Variants in EXOC4 observed in about 807,000 individuals in gnomAD.
EXOC4 encodes SEC8-like 1.
A neutral mutation model predicts 107.2 loss-of-function variants in EXOC4; 71 were observed. That is an observed-to-expected ratio of 0.66 (90% CI 0.55 to 0.81). EXOC4 has a LOEUF of 0.81. EXOC4 is among the 30% of genes least tolerant of loss of function. The pLI is 0.00. For missense variants in EXOC4, 1,108 were observed against 1,189.6 expected (o/e 0.93, Z 1.01); for synonymous variants, 456 against 441.2 (o/e 1.03, Z -0.42).
At chr7:133,971,700 G>A (rs1207994466) in intron 14 of EXOC4, among the ~76,000 whole-genome samples, 1 of 152,066 alleles carries the variant, frequency 6.6e-6, no homozygotes, top group Non-Finnish European at 1.5e-5. Flanking sequence ...ACCCCAGGCA[G>A]TTCGAAGGAG....
chr7:133,514,165 GT>G (rs767757991), intron 9 of EXOC4, among the ~76,000 whole-genome samples: 24 of 144,840 alleles, frequency 1.7e-4, no homozygotes, highest in African/African-American at 2.3e-4. Context: ...ATCGTTTTTT[GT>G]TTTTTTTTTT....
At chr7:133,942,995 T>G (rs1009860448) in intron 14 of EXOC4, among the ~76,000 whole-genome samples, 1 of 152,210 alleles carries the variant, frequency 6.6e-6, no homozygotes, top group Non-Finnish European at 1.5e-5. Flanking sequence ...AGATATTGCA[T>G]TGCCCTATAT....
intron 9 of EXOC4, among the ~76,000 whole-genome samples, chr7:133,519,827 A>G (rs972665250): frequency 1.7e-4 from 26 of 152,192 alleles, no homozygotes; most frequent in African/African-American, 6.0e-4. Flanking sequence ...GGAAATGAAT[A>G]CACATCTCAG....
At chr7:133,995,202 G>A (rs1794359107) in intron 14 of EXOC4, among the ~76,000 whole-genome samples, 1 of 152,134 alleles carries the variant, frequency 6.6e-6, no homozygotes, top group African/African-American at 2.4e-5. Flanking sequence ...TAATTTGACA[G>A]TGGTCAATTG....
intron 17 of EXOC4, among the ~76,000 whole-genome samples, chr7:134,044,431 G>C (rs529039836): frequency 2.0e-5 from 3 of 152,150 alleles, no homozygotes; most frequent in Admixed American, 6.5e-5. Context: ...TAAAAAACTA[G>C]GTTCAGGTTT....
At chr7:133,478,049 A>G (rs1799060528) in intron 8 of EXOC4, among the ~76,000 whole-genome samples, 1 of 152,160 alleles carries the variant, frequency 6.6e-6, no homozygotes, top group African/African-American at 2.4e-5. Context: ...GCAAGCACAA[A>G]GATAGTAGAA....
intron 12 of EXOC4, among the ~76,000 whole-genome samples, chr7:133,896,053 T>G (rs1799299652): frequency 1.3e-5 from 2 of 152,228 alleles, no homozygotes; most frequent in Admixed American, 1.3e-4. Context: ...TAGTCTATCT[T>G]GTGGTTAAAA....
chr7:133,622,783 G>A (rs568577985), intron 9 of EXOC4, among the ~76,000 whole-genome samples: 2 of 152,188 alleles, frequency 1.3e-5, no homozygotes, highest in South Asian at 2.1e-4. Flanking sequence ...TCAGTACTCC[G>A]TTTTAGACTT....
chr7:133,812,610 A>G (rs1203217097), intron 10 of EXOC4, among the ~76,000 whole-genome samples: 3 of 145,882 alleles, frequency 2.1e-5, no homozygotes, highest in Non-Finnish European at 4.6e-5. Context: ...TTCATTTTTC[A>G]TTTTTATTTA....
intron 10 of EXOC4, among the ~76,000 whole-genome samples, chr7:133,713,825 A>G (rs754816484): frequency 2.0e-5 from 3 of 152,102 alleles, no homozygotes; most frequent in Non-Finnish European, 4.4e-5. Flanking sequence ...CCGTGACTGT[A>G]AGTTTTCTGA....
intron 11 of EXOC4, among the ~76,000 whole-genome samples, chr7:133,881,852 A>C (rs1798973262): frequency 6.6e-6 from 1 of 152,352 alleles, no homozygotes; most frequent in Admixed American, 6.5e-5. Flanking sequence ...CCATTGTATT[A>C]GAATAGCAAT....
Position 133,792,240 on chromosome 7 carries a change from C to T in EXOC4, c.1515-25085C>T, listed in dbSNP as rs138854505. On this transcript the variant is annotated intron_variant, in intron 10 of 17. Coordinates refer to ENST00000253861, the MANE Select transcript of EXOC4 (RefSeq NM_021807.4). ...CACATTTGCTTCTACTCCGATTAAA[C>T]AGCTCATATTGTTTCATCATTTAAA... Among the ~76,000 whole-genome samples, 68 of 152,226 alleles carry T rather than the reference C, an allele frequency of 4.5e-4. 1 individual carries two copies. In the East Asian group the frequency reaches 0.012, roughly 27 times the overall value.
intron 10 of EXOC4, among the ~76,000 whole-genome samples, chr7:133,696,184 A>G (rs1368886016): frequency 6.6e-6 from 1 of 152,164 alleles, no homozygotes; most frequent in Non-Finnish European, 1.5e-5. Context: ...TGTGTTTTGC[A>G]GAGATGCTGT....
intron 15 of EXOC4, 127 bp from the exon 16 acceptor site, chr7:134,004,785 G>T: frequency 1.4e-6 from 1 of 728,578 alleles, no homozygotes; most frequent in Non-Finnish European, 2.2e-6. Flanking sequence ...GTAAGTGTTG[G>T]CTATCATGGC....
intron 9 of EXOC4, among the ~76,000 whole-genome samples, chr7:133,620,836 A>G (rs1413795902): frequency 6.6e-6 from 1 of 152,208 alleles, no homozygotes; most frequent in East Asian, 1.9e-4. Flanking sequence ...GAGTGGAAAG[A>G]GAAGAATTAC....
intron 10 of EXOC4, among the ~76,000 whole-genome samples, chr7:133,710,387 G>A (rs189194822): frequency 2.0e-5 from 3 of 152,214 alleles, no homozygotes; most frequent in East Asian, 3.9e-4. Flanking sequence ...GCGGCCGGGC[G>A]CGGTGGCTCA....
intron 6 of EXOC4, among the ~76,000 whole-genome samples, chr7:133,373,755 C>T (rs553546031): frequency 6.6e-6 from 1 of 152,260 alleles, no homozygotes; most frequent in South Asian, 2.1e-4. Context: ...GCAAGATTTT[C>T]TGTACTTGTT....
intron 5 of EXOC4, among the ~76,000 whole-genome samples, chr7:133,353,851 A>G (rs1317624975): frequency 6.6e-6 from 1 of 151,526 alleles, no homozygotes; most frequent in Non-Finnish European, 1.5e-5. Context: ...CCATTGTCCT[A>G]TCTTGACGTT....
chr7:133,465,619 A>C (rs1442702283), intron 7 of EXOC4, among the ~76,000 whole-genome samples: 1 of 152,240 alleles, frequency 6.6e-6, no homozygotes, highest in East Asian at 1.9e-4. Context: ...AATATTCTCC[A>C]TGTGAGTCTA....
Sources: gnomAD v4.1 joint callset for allele counts (sites outside exome capture counted in the v4.1 genomes callset) on GRCh38, gnomAD v4.1.1 for gene constraint, MANE v1.5 for transcripts, NCBI Gene and HGNC (gene_info 2026-07-23, HGNC 2026-07-21) for gene names.